Variants in DBNL observed in about 807,000 individuals in gnomAD.
DBNL encodes the protein drebrin like.
In DBNL, 35 loss-of-function variants were observed where a neutral mutation model predicts 62.2. The ratio of observed to expected loss-of-function variants is 0.56; its 90% CI spans 0.43 to 0.75. The LOEUF (loss-of-function observed/expected upper bound fraction) is 0.75. Ranked by LOEUF, DBNL falls within the 30% of genes least tolerant of loss-of-function variation. The pLI is 0.00. For missense variants in DBNL, 495 were observed against 578.4 expected (o/e 0.86, Z 1.48); for synonymous variants, 197 against 218.0 (o/e 0.90, Z 0.85).
chr7:44,053,929 G>A (rs1025894507), intron 4 of DBNL, among the ~76,000 whole-genome samples: 10 of 152,148 alleles, frequency 6.6e-5, no homozygotes, highest in Non-Finnish European at 1.5e-4. Flanking sequence ...GCCCGCCTTG[G>A]CCTCCCAAAG....
In DBNL at chr7:44,060,707, G is replaced by A. The variant is rs2096147072; in HGVS notation, c.1154-70G>A. 3.2e-6 allele frequency: 5 copies of A among 1,579,148 alleles called. No homozygotes were observed. The highest frequency in any genetic ancestry group is 1.7e-5 in the Admixed American group (1 of 57,670). On this transcript the variant is annotated intron_variant, in intron 12 of 12. Coordinates refer to ENST00000448521, the MANE Select transcript of DBNL (RefSeq NM_001014436.3). The surrounding 1 kb of genome is among the most constrained non-coding windows in gnomAD (Gnocchi z 6.3). ...TGTGCTGCAGCAGTGTGGGGCTGCC[G>A]TGGGCTGCCCGAGCAGGTGGGATGT...
Position 44,058,240 on chromosome 7 carries a change from C to T in DBNL, c.664C>T (p.Gln222Ter). 6.3e-7 allele frequency: 1 copy of T among 1,577,460 alleles called. No individual in the cohort carries two copies. Among genetic ancestry groups the T allele is most frequent in the Non-Finnish European group, 8.6e-7 (1 of 1,162,954 alleles). Residue 222 changes from glutamine to a stop codon, truncating the protein, a stop_gained, in exon 7 of 13, where the codon CAG becomes TAG. Coordinates refer to ENST00000448521, the MANE Select transcript of DBNL (RefSeq NM_001014436.3). LOFTEE classifies it high-confidence loss of function. The part of the protein sequence containing the change: ...RELREAARRE[Q>*]RYQEQGGEAS... Reference sequence around the variant, plus strand: ...GCTGCGTGAGGCTGCACGCCGGGAGCAGCGCTATCAGGAGCAGGGTGGCGA... The same window carrying T: ...GCTGCGTGAGGCTGCACGCCGGGAGTAGCGCTATCAGGAGCAGGGTGGCGA...
Position 44,059,416 on chromosome 7 carries a change from G to A in DBNL, c.898G>A (p.Glu300Lys). ...CCAACCAGAGACCCACTTTGGCAGAGAGCCAGCTGCTGCCATCTCAAGGCC... is the reference window on the plus strand; with the variant it reads ...CCAACCAGAGACCCACTTTGGCAGAAAGCCAGCTGCTGCCATCTCAAGGCC... ...LTQPETHFGR[E>K]PAAAISRPRA... Residue 300 changes from glutamate (E) to lysine (K), a missense_variant, in exon 10 of 13, where the codon GAG becomes AAG. By Grantham distance (56) the Glu-to-Lys change is moderately conservative. Transcript: ENST00000448521. This position sits in a 1 kb window ranked among gnomAD's most constrained non-coding sequence, Gnocchi z 4.1. The A allele has an allele frequency of 6.2e-7, 1 of 1,614,130 alleles. No homozygotes were observed. Among genetic ancestry groups the A allele is most frequent in the South Asian group, 1.1e-5 (1 of 91,090 alleles).
Position 44,059,973 on chromosome 7 carries a change from T to C in DBNL, c.1048-75T>C. The C allele has an allele frequency of 6.8e-7, 1 of 1,466,476 alleles. No individual in the cohort carries two copies. The highest frequency in any genetic ancestry group is 9.4e-7 in the Non-Finnish European group (1 of 1,065,232). 90.8% of individuals were successfully genotyped at this position (1,466,476 alleles called of 1,614,324 possible). ...CCCTCTGCGTACTCCCAGCTTGACC[T>C]GAGCCATGTGGGGCAGAGCAGCGAT... is the stretch of plus-strand genomic sequence containing the variant. On this transcript the variant is annotated intron_variant, in intron 11 of 12. Coordinates refer to ENST00000448521, the MANE Select transcript of DBNL (RefSeq NM_001014436.3). This position sits in a 1 kb window ranked among gnomAD's most constrained non-coding sequence, Gnocchi z 4.1.
At chr7:44,056,717 G>A (rs2096137088) in intron 4 of DBNL, 40 bp from the exon 5 acceptor site, 1 of 1,612,840 alleles carries the variant, frequency 6.2e-7, no homozygotes, top group African/African-American at 1.3e-5. Context: ...CATCTCCTGG[G>A]CTTGCAAAGC....
At position 44,064,910 on chromosome 7, in the gene DBNL, G is replaced by C; in HGVS notation, c.*3994G>C. The C allele has an allele frequency of 6.2e-7, 1 of 1,611,420 alleles. No homozygotes were observed. Among genetic ancestry groups the C allele is most frequent in the African/African-American group, 1.3e-5 (1 of 75,044 alleles). On this transcript the variant is annotated 3_prime_UTR_variant, in exon 13 of 13. Coordinates refer to ENST00000448521, the MANE Select transcript of DBNL (RefSeq NM_001014436.3). Reference sequence around the variant, plus strand: ...ACTCGCTTGCCGGCCTTGATCTGGGGAACAATCTCCTCGTTCCAGAAGGGC... The same window carrying C: ...ACTCGCTTGCCGGCCTTGATCTGGGCAACAATCTCCTCGTTCCAGAAGGGC...
At chr7:44,052,806 C>G in intron 3 of DBNL, 61 bp from the exon 4 acceptor site, 1 of 1,600,314 alleles carries the variant, frequency 6.2e-7, no homozygotes. Flanking sequence ...TGTTGGGTCC[C>G]CAGGGAAGGG....
At position 44,066,080 on chromosome 7, in the gene DBNL, A is replaced by G. The variant is rs2096159442; in HGVS notation, c.*5164A>G. 5.0e-6 allele frequency: 1 copy of G among 199,456 alleles called. No individual in the cohort carries two copies. Among genetic ancestry groups the G allele is most frequent in the Admixed American group, 5.3e-5 (1 of 18,966 alleles). The allele number at this position is 199,456 out of a possible 1,614,324, so 12.4% of individuals were successfully genotyped here. A position where few individuals can be genotyped will look rare whatever the true frequency, so the allele number is the denominator to read the frequency against. On this transcript the variant is annotated 3_prime_UTR_variant, in exon 13 of 13. Transcript: ENST00000448521. The stretch of plus-strand genomic sequence containing the variant: ...AGAGGAGTCTGGCCTTGTGGAAGGT[A>G]CCAGGCAGCAGCAGCAGAATGGGCA...
In DBNL at chr7:44,062,862, T is replaced by A. The variant is rs766323932; in HGVS notation, c.*1946T>A. On this transcript the variant is annotated 3_prime_UTR_variant, in exon 13 of 13. Transcript: ENST00000448521. ...ATGGGCTTGGTGGGCTTCAGCTCCTTGTTCAGCTCATACACAATGGGGATC... is the reference window on the plus strand; with the variant it reads ...ATGGGCTTGGTGGGCTTCAGCTCCTAGTTCAGCTCATACACAATGGGGATC... The A allele has an allele frequency of 6.2e-7, 1 of 1,614,200 alleles. No homozygotes were observed. Among genetic ancestry groups the A allele is most frequent in the Non-Finnish European group, 8.5e-7 (1 of 1,180,024 alleles).
rs2096148277 is a variant in DBNL, at chr7:44,061,155, C to T, written c.*239C>T. The T allele has an allele frequency of 1.8e-6, 1 of 561,568 alleles. No homozygotes were observed. Among genetic ancestry groups the T allele is most frequent in the African/African-American group, 1.9e-5 (1 of 52,884 alleles). 34.8% of individuals were successfully genotyped at this position (561,568 alleles called of 1,614,324 possible). On this transcript the variant is annotated 3_prime_UTR_variant, in exon 13 of 13. Coordinates refer to ENST00000448521, the MANE Select transcript of DBNL (RefSeq NM_001014436.3). ...CCCTCCCAGACAGCTTGGCTCTTGCCCCTGACAGGATACTGAGCCAAGCCC... is the reference window on the plus strand; with the variant it reads ...CCCTCCCAGACAGCTTGGCTCTTGCTCCTGACAGGATACTGAGCCAAGCCC...
At position 44,063,569 on chromosome 7, in the gene DBNL, C is replaced by G. The variant is rs927154892; in HGVS notation, c.*2653C>G. On this transcript the variant is annotated 3_prime_UTR_variant, in exon 13 of 13. Coordinates refer to ENST00000448521, the MANE Select transcript of DBNL (RefSeq NM_001014436.3). ...TGCTGGGATTACAGGAGTGAGCCACCGTGCCCAGCACCCTTTGGTTTCTAA... is the reference window on the plus strand; with the variant it reads ...TGCTGGGATTACAGGAGTGAGCCACGGTGCCCAGCACCCTTTGGTTTCTAA... 2 of 163,108 alleles carry G rather than the reference C, an allele frequency of 1.2e-5. No homozygotes were observed. The highest frequency in any genetic ancestry group is 2.7e-5 in the Non-Finnish European group (2 of 73,728). The allele number at this position is 163,108 out of a possible 1,614,324, so 10.1% of individuals were successfully genotyped here.
intron 8 of DBNL, 139 bp downstream of exon 8, chr7:44,058,619 C>G (rs1480269621): frequency 8.4e-7 from 1 of 1,190,240 alleles, no homozygotes; most frequent in Non-Finnish European, 1.2e-6. Context: ...CTGGGCACCT[C>G]AAGAGGTGGC....
At chr7:44,055,435 C>A (rs990277119) in intron 4 of DBNL, among the ~76,000 whole-genome samples, 1 of 152,166 alleles carries the variant, frequency 6.6e-6, no homozygotes, top group African/African-American at 2.4e-5. Flanking sequence ...CACTGCACTC[C>A]AGCCTGGGCA....
rs1262201389 is a variant in DBNL at position 44,065,844 on chromosome 7, CA to C, written c.*4929del. ...GCTGGTCAGGGATGGGCGTGAAGGGCAGAAGTCTGGGCCAGGGGAGATGGGG... is the reference window on the plus strand; with the variant it reads ...GCTGGTCAGGGATGGGCGTGAAGGGCGAAGTCTGGGCCAGGGGAGATGGGG... On this transcript the variant is annotated 3_prime_UTR_variant, in exon 13 of 13. Coordinates refer to ENST00000448521, the MANE Select transcript of DBNL (RefSeq NM_001014436.3). 28 of 489,736 alleles carry C rather than the reference CA, an allele frequency of 5.7e-5. No homozygotes were observed. The East Asian group carries it at 1.1e-3, about 19-fold the overall frequency. The allele number at this position is 489,736 out of a possible 1,614,324, so 30.3% of individuals were successfully genotyped here.
rs923267503 is a variant in DBNL at position 44,059,713 on chromosome 7, T to C, written c.1047+55T>C. On this transcript the variant is annotated intron_variant, in intron 11 of 12. Transcript: ENST00000448521. This position sits in a 1 kb window ranked among gnomAD's most constrained non-coding sequence, Gnocchi z 4.1. Reference sequence around the variant, plus strand: ...GAAGGGGCTGCATACTCAGGAACACTTATCACGGGCCGCCTGAGTTTTCTG... The same window carrying C: ...GAAGGGGCTGCATACTCAGGAACACCTATCACGGGCCGCCTGAGTTTTCTG... 1 of 1,486,196 alleles carries C rather than the reference T, an allele frequency of 6.7e-7. No individual in the cohort carries two copies. The highest frequency in any genetic ancestry group is 9.0e-7 in the Non-Finnish European group (1 of 1,110,050). The allele number at this position is 1,486,196 out of a possible 1,614,324, so 92.1% of individuals were successfully genotyped here.
chr7:44,053,024 G>A, intron 4 of DBNL, 83 bp downstream of exon 4: 1 of 1,519,164 alleles, frequency 6.6e-7, no homozygotes, highest in South Asian at 1.2e-5. Context: ...GAGCAAGTGG[G>A]AATCAGAACT....
chr7:44,065,374 A>G lies in DBNL; in HGVS notation c.*4458A>G. Reference sequence around the variant, plus strand: ...TCAGCACTGACGTGTAGCAGATGTCAAACTCCATCTTGGCATCCTTGATGG... The same window carrying G: ...TCAGCACTGACGTGTAGCAGATGTCGAACTCCATCTTGGCATCCTTGATGG... On this transcript the variant is annotated 3_prime_UTR_variant, in exon 13 of 13. Transcript: ENST00000448521. 1.2e-6 allele frequency: 2 copies of G among 1,614,038 alleles called. No homozygotes were observed. Among genetic ancestry groups the G allele is most frequent in the Non-Finnish European group, 1.7e-6 (2 of 1,180,022 alleles).
At chr7:44,045,218 C>T (rs1424573934) in intron 1 of DBNL, among the ~76,000 whole-genome samples, 1 of 152,184 alleles carries the variant, frequency 6.6e-6, no homozygotes, top group Admixed American at 6.5e-5. Context: ...TCTGAGAAGG[C>T]GGAAGCCACG....
At position 44,057,782 on chromosome 7, in the gene DBNL, G is replaced by A; in HGVS notation, c.475G>A (p.Gly159Ser). 1 of 1,614,186 alleles carries A rather than the reference G, an allele frequency of 6.2e-7. No individual in the cohort carries two copies. The highest frequency in any genetic ancestry group is 8.5e-7 in the Non-Finnish European group (1 of 1,180,024). ...CTCTAATGAGTGCTGTCCCCTACAG[G>A]GCTCTGTGTACCAGAAGACCAATGC... is the stretch of plus-strand genomic sequence containing the variant. Reference protein sequence around the residue: ...FQDVGPQAPVGSVYQKTNAVS... With the variant: ...FQDVGPQAPVSSVYQKTNAVS... Residue 159 changes from glycine (G) to serine (S), a missense_variant and splice_region_variant, in exon 6 of 13, where the codon GGC becomes AGC. Physicochemically the swap from Gly to Ser is moderately conservative, Grantham distance 56. Transcript: ENST00000448521.
Sources: gnomAD v4.1 joint callset for allele counts (sites outside exome capture counted in the v4.1 genomes callset) on GRCh38, gnomAD v4.1.1 for gene constraint, Gnocchi (gnomAD v3.1) non-coding constraint, MANE v1.5 for transcripts, NCBI Gene and HGNC (gene_info 2026-07-23, HGNC 2026-07-21) for gene names.